DCAF1: variants seen among roughly 807,000 people sequenced by gnomAD.
The protein encoded by DCAF1 is DDB1- and CUL4-associated factor 1.
In DCAF1, 15 loss-of-function variants were observed where a neutral mutation model predicts 128.0. That is an observed-to-expected ratio of 0.12 (90% CI 0.08 to 0.18). The LOEUF (loss-of-function observed/expected upper bound fraction) is 0.18. Among genes scored for constraint, DCAF1 ranks in the 10% least tolerant of loss-of-function variants. The pLI, the probability that DCAF1 is intolerant of heterozygous loss-of-function variation, is 1.00. For synonymous variants in DCAF1, 610 were observed against 603.0 expected (o/e 1.01, Z -0.17); for missense variants, 988 against 1,649.5 (o/e 0.60, Z 6.95).
At chr3:51,501,660 CCTT>C (rs1708815119), upstream of DCAF1, among the ~76,000 whole-genome samples, 3 of 152,170 alleles carry the variant, frequency 2.0e-5, no homozygotes, top group Admixed American at 6.6e-5. Context: ...GGACCATCCT[CCTT>C]CTCTTAAATG....
chr3:51,463,097 T>G lies in DCAF1; in HGVS notation c.375+17A>C. On this transcript the variant is annotated intron_variant, in intron 6 of 24. Transcript: ENST00000684031. Reference sequence around the variant, plus strand: ...CAATTACAAAATAAAATTATGACTTTACTTTTCACTAAGTACCTTTTCTTG... The same window carrying G: ...CAATTACAAAATAAAATTATGACTTGACTTTTCACTAAGTACCTTTTCTTG... The G allele has an allele frequency of 6.6e-7, 1 of 1,523,138 alleles. No homozygotes were observed. Among genetic ancestry groups the G allele is most frequent in the Non-Finnish European group, 8.9e-7 (1 of 1,122,544 alleles). The allele number at this position is 1,523,138 out of a possible 1,614,324, so 94.4% of individuals were successfully genotyped here.
In DCAF1 at chr3:51,420,214, A is replaced by ACAG; in HGVS notation, c.2753_2755dup (p.Ala918dup). On this transcript the variant is annotated inframe_insertion, in exon 15 of 25. Coordinates refer to ENST00000684031, the MANE Select transcript of DCAF1 (RefSeq NM_001387579.1). This position sits in a 1 kb window ranked among gnomAD's most constrained non-coding sequence, Gnocchi z 6.5. ...AGGGGCAGAAGGCGCAGAGGCACCC[A>ACAG]CAGCAGCATGGCTGCCCAGACGAGT... The ACAG allele has an allele frequency of 6.2e-7, 1 of 1,614,054 alleles. No homozygotes were observed. Among genetic ancestry groups the ACAG allele is most frequent in the Non-Finnish European group, 8.5e-7 (1 of 1,179,894 alleles).
chr3:51,409,827 C>G (rs1217144833), intron 23 of DCAF1, among the ~76,000 whole-genome samples: 1 of 152,154 alleles, frequency 6.6e-6, no homozygotes, highest in Non-Finnish European at 1.5e-5. Flanking sequence ...GAAACCCACT[C>G]AAGGCAACCA....
chr3:51,481,626 T>C (rs547356653), intron 3 of DCAF1, among the ~76,000 whole-genome samples: 1 of 150,458 alleles, frequency 6.6e-6, no homozygotes, highest in East Asian at 2.0e-4. Context: ...ACCTAGGAGG[T>C]GGGGGTTGCA....
intron 2 of DCAF1, among the ~76,000 whole-genome samples, chr3:51,492,657 A>G (rs1343702806): frequency 6.6e-6 from 1 of 152,232 alleles, no homozygotes; most frequent in Non-Finnish European, 1.5e-5. Context: ...TATAAGCATT[A>G]GCAAGCATGT....
chr3:51,459,136 A>C (rs184958054), intron 6 of DCAF1, among the ~76,000 whole-genome samples: 2 of 152,320 alleles, frequency 1.3e-5, no homozygotes, highest in East Asian at 3.9e-4. Flanking sequence ...GTTTTTTGAA[A>C]AGATCAACAA....
At chr3:51,483,126 C>A (rs1226686902) in intron 3 of DCAF1, among the ~76,000 whole-genome samples, 11 of 93,356 alleles carry the variant, frequency 1.2e-4, no homozygotes, top group African/African-American at 1.7e-4. Context: ...GCAACAAGAG[C>A]AAAACTCCGT....
At chr3:51,500,463 T>C (rs1708742319), upstream of DCAF1, among the ~76,000 whole-genome samples, 1 of 152,212 alleles carries the variant, frequency 6.6e-6, no homozygotes, top group Admixed American at 6.5e-5. Flanking sequence ...CATACCGTGA[T>C]CTAAGAAAAT....
chr3:51,464,286 T>A (rs1200332211), intron 5 of DCAF1, among the ~76,000 whole-genome samples: 4 of 151,742 alleles, frequency 2.6e-5, no homozygotes, highest in African/African-American at 9.7e-5. Flanking sequence ...TATGTATTAA[T>A]AAAAGTCTCC....
chr3:51,433,468 AT>A (rs1288060498), intron 9 of DCAF1, among the ~76,000 whole-genome samples: 6 of 149,704 alleles, frequency 4.0e-5, no homozygotes, highest in Non-Finnish European at 7.4e-5. Context: ...ACACCAGGAA[AT>A]TTTTTTTTTG....
rs1050363565 is a variant in DCAF1, at chr3:51,433,133, T to C, written c.1260A>G (p.Leu420=). ...TTTCCATGGCATCCTGATTGTAGGA[T>C]AGGTAATACAAACACATAGACACAC... is the stretch of plus-strand genomic sequence containing the variant. ...ATGVSMCLYY[L]SYNQDAMERV... is the part of the protein sequence containing the mutation. The change falls in exon 10 of 25, where the codon CTA becomes CTG. Residue 420 remains leucine (L), a synonymous_variant. Coordinates refer to ENST00000684031, the MANE Select transcript of DCAF1 (RefSeq NM_001387579.1). 36 of 398,394 alleles carry C rather than the reference T, an allele frequency of 9.0e-5. No individual in the cohort carries two copies. Among genetic ancestry groups the C allele is most frequent in the African/African-American group, 2.5e-4 (12 of 48,620 alleles). 24.7% of individuals were successfully genotyped at this position (398,394 alleles called of 1,614,324 possible). A position where few individuals can be genotyped will look rare whatever the true frequency, so the allele number is the denominator to read the frequency against.
intron 23 of DCAF1, among the ~76,000 whole-genome samples, chr3:51,412,088 G>A (rs1345579409): frequency 1.7e-4 from 19 of 115,120 alleles, no homozygotes; most frequent in African/African-American, 5.3e-4. Flanking sequence ...CAGCCTCGGC[G>A]ACAAGAGCAA....
intron 4 of DCAF1, 33 bp from the exon 5 acceptor site, chr3:51,466,909 G>C (rs550485059): frequency 5.6e-6 from 9 of 1,604,336 alleles, no homozygotes; most frequent in Non-Finnish European, 6.8e-6. Context: ...ACAAACAAAG[G>C]AATGAGTAAG....
chr3:51,451,089 T>TA (rs1702306057), intron 6 of DCAF1, among the ~76,000 whole-genome samples: 1 of 110,200 alleles, frequency 9.1e-6, no homozygotes, highest in African/African-American at 3.7e-5. Context: ...TTTTTTTTTT[T>TA]TTTTTTTTTT....
In DCAF1 at chr3:51,495,547, C is replaced by T. The variant is rs138056007; in HGVS notation, c.-9+1187G>A. On this transcript the variant is annotated intron_variant, in intron 2 of 24. Transcript: ENST00000684031. Reference sequence around the variant, plus strand: ...CAGACTAAATAAAGGAAAATATAAACTTGTAACAGACTTAACTAATAATAG... The same window carrying T: ...CAGACTAAATAAAGGAAAATATAAATTTGTAACAGACTTAACTAATAATAG... Among the ~76,000 whole-genome samples the T allele has an allele frequency of 4.2e-3, 634 of 151,772 alleles. 1 individual carries two copies. Among genetic ancestry groups the T allele is most frequent in the Non-Finnish European group, 6.5e-3 (439 of 67,968 alleles).
Position 51,444,073 on chromosome 3 carries a change from G to A in DCAF1, c.376-170C>T, listed in dbSNP as rs1213756040. 2.0e-5 allele frequency among the ~76,000 whole-genome samples: 3 copies of A among 152,076 alleles called. No individual in the cohort carries two copies. The East Asian group carries it at 5.8e-4, about 29-fold the overall frequency. On this transcript the variant is annotated intron_variant, in intron 6 of 24. Transcript: ENST00000684031. ...GGTTCCTTAGTTATATAAAGTATCT[G>A]TGCAATAGAAGCCTATTCAGCCAAT...
At position 51,433,261 on chromosome 3, in the gene DCAF1, G is replaced by A. The variant is rs907374849; in HGVS notation, c.1132C>T (p.Leu378=). The A allele has an allele frequency of 7.5e-6, 3 of 398,318 alleles. No homozygotes were observed. The highest frequency in any genetic ancestry group is 2.1e-5 in the African/African-American group (1 of 48,582). 24.7% of individuals were successfully genotyped at this position (398,318 alleles called of 1,614,324 possible). ...TTGTTATGGAGCAGGAGAGATGCTAGGTGCTAAAAAATGAGGACACAAATT... is the reference window on the plus strand; with the variant it reads ...TTGTTATGGAGCAGGAGAGATGCTAAGTGCTAAAAAATGAGGACACAAATT... ...VLLTFEALKH[L]ASLLLHNKFA... Residue 378 remains leucine, a synonymous_variant, in exon 10 of 25, where the codon CTA becomes TTA. Coordinates refer to ENST00000684031, the MANE Select transcript of DCAF1 (RefSeq NM_001387579.1).
intron 20 of DCAF1, among the ~76,000 whole-genome samples, chr3:51,413,644 A>C (rs1403376786): frequency 5.9e-5 from 9 of 152,252 alleles, no homozygotes; most frequent in Non-Finnish European, 1.3e-4. Context: ...TACAAGGCTT[A>C]TAACAACACA....
chr3:51,484,488 T>C (rs553252572), intron 2 of DCAF1, among the ~76,000 whole-genome samples: 1 of 151,204 alleles, frequency 6.6e-6, no homozygotes. Context: ...GAAAAAAAAA[T>C]AGATTTACCT....
Sources: allele counts gnomAD v4.1 joint callset (sites outside exome capture counted in the v4.1 genomes callset), GRCh38; gene constraint gnomAD v4.1.1; non-coding constraint Gnocchi (gnomAD v3.1); transcripts MANE v1.5; gene names NCBI Gene and HGNC (gene_info 2026-07-23, HGNC 2026-07-21).